Variants in C16orf78 observed in about 807,000 individuals in gnomAD.
C16orf78 encodes the protein chromosome 16 open reading frame 78, also known as uncharacterized protein C16orf78.
C16orf78 carries 19 observed loss-of-function variants against 27.3 expected under a neutral mutation model. The ratio of observed to expected loss-of-function variants is 0.70; its 90% confidence interval spans 0.49 to 1.02. The LOEUF (loss-of-function observed/expected upper bound fraction) is 1.02. Ranked by LOEUF, C16orf78 falls within the 50% of genes least tolerant of loss-of-function variation. C16orf78 has a pLI of 0.00. For missense variants in C16orf78, 339 were observed against 337.0 expected (o/e 1.01, Z -0.05); for synonymous variants, 130 against 116.1 (o/e 1.12, Z -0.77).
intron 3 of C16orf78, among the ~76,000 whole-genome samples, chr16:49,380,908 G>T (rs1184703246): frequency 2.0e-5 from 3 of 151,952 alleles, no homozygotes; most frequent in Non-Finnish European, 4.4e-5. Context: ...CCCATTGCTT[G>T]TTTTTCTCAG....
intron 3 of C16orf78, among the ~76,000 whole-genome samples, chr16:49,381,569 A>G (rs1208628956): frequency 1.3e-4 from 20 of 152,094 alleles, no homozygotes; most frequent in Non-Finnish European, 2.5e-4. Flanking sequence ...AATTTACAAG[A>G]AAAAACAAAC....
intron 3 of C16orf78, among the ~76,000 whole-genome samples, chr16:49,396,159 T>C (rs756830947): frequency 6.6e-6 from 1 of 152,116 alleles, no homozygotes; most frequent in African/African-American, 2.4e-5. Context: ...GGAGGATCAC[T>C]TGAACCTGTG....
intron 3 of C16orf78, among the ~76,000 whole-genome samples, chr16:49,382,285 G>A (rs1965295509): frequency 6.6e-6 from 1 of 152,174 alleles, no homozygotes; most frequent in Non-Finnish European, 1.5e-5. Flanking sequence ...GAGTGGAGAG[G>A]GATAGCATTA....
At chr16:49,376,345 T>C (rs1376105414) in intron 1 of C16orf78, among the ~76,000 whole-genome samples, 1 of 152,214 alleles carries the variant, frequency 6.6e-6, no homozygotes, top group African/African-American at 2.4e-5. Flanking sequence ...GCAGTTTCCT[T>C]GAGTCTAAAG....
At chr16:49,384,730 TAC>T (rs1384795879) in intron 3 of C16orf78, among the ~76,000 whole-genome samples, 8 of 152,154 alleles carry the variant, frequency 5.3e-5, no homozygotes, top group Admixed American at 2.0e-4. Context: ...AAAAGGTCTG[TAC>T]CAAGACATAT....
intron 4 of C16orf78, 106 bp downstream of exon 4, chr16:49,396,784 T>G: frequency 7.1e-7 from 1 of 1,416,392 alleles, no homozygotes; most frequent in Non-Finnish European, 9.4e-7. Flanking sequence ...GATCTAGGAG[T>G]AGGGGCTTGG....
chr16:49,383,593 G>C (rs938506877), intron 3 of C16orf78, among the ~76,000 whole-genome samples: 2 of 152,148 alleles, frequency 1.3e-5, no homozygotes, highest in African/African-American at 4.8e-5. Context: ...CACAACCAGT[G>C]TCTTAGCTTA....
chr16:49,386,136 T>C (rs529450882), intron 3 of C16orf78, among the ~76,000 whole-genome samples: 1 of 152,328 alleles, frequency 6.6e-6, no homozygotes, highest in Non-Finnish European at 1.5e-5. Context: ...TAACAAGGGA[T>C]TGATTCATCA....
At chr16:49,397,225 G>A (rs1221208665) in intron 4 of C16orf78, among the ~76,000 whole-genome samples, 1 of 152,126 alleles carries the variant, frequency 6.6e-6, no homozygotes, top group Non-Finnish European at 1.5e-5. Context: ...TTTCAGCAAT[G>A]GACCCCAGAT....
chr16:49,377,418 G>C (rs903464462), intron 1 of C16orf78, among the ~76,000 whole-genome samples: 1 of 152,148 alleles, frequency 6.6e-6, no homozygotes, highest in Non-Finnish European at 1.5e-5. Context: ...CCACAAGGGG[G>C]CTGGAGGGGC....
rs1484133439 is a variant in C16orf78, at chr16:49,396,522, C to A, written c.494C>A (p.Thr165Asn). The A allele has an allele frequency of 1.2e-6, 2 of 1,614,050 alleles. No homozygotes were observed. Among genetic ancestry groups the A allele is most frequent in the Non-Finnish European group, 1.7e-6 (2 of 1,180,044 alleles). Reference protein sequence around the residue: ...IVLDPMLQEGTFNSQRATFIR... With the variant: ...IVLDPMLQEGNFNSQRATFIR... ...TTAGATCCCATGTTACAGGAGGGTACCTTTAACAGCCAGAGGGCAACCTTC... is the reference window on the plus strand; with the variant it reads ...TTAGATCCCATGTTACAGGAGGGTAACTTTAACAGCCAGAGGGCAACCTTC... The change falls in exon 4 of 5, where the codon ACC (threonine) becomes AAC (asparagine). Residue 165 changes from threonine to asparagine, a missense_variant. Physicochemically the swap from Thr to Asn is moderately conservative, Grantham distance 65. Coordinates refer to ENST00000299191, the MANE Select transcript of C16orf78 (RefSeq NM_144602.4).
intron 4 of C16orf78, among the ~76,000 whole-genome samples, chr16:49,397,206 C>T (rs1000303338): frequency 1.3e-5 from 2 of 152,168 alleles, no homozygotes; most frequent in East Asian, 3.9e-4. Context: ...TTTATCAGGG[C>T]TCTCTGGTTT....
chr16:49,390,276 C>A (rs933389495), intron 3 of C16orf78, among the ~76,000 whole-genome samples: 5 of 152,184 alleles, frequency 3.3e-5, no homozygotes, highest in African/African-American at 1.2e-4. Flanking sequence ...CAGTTTTCAT[C>A]AAATTTGACA....
At chr16:49,395,506 G>A (rs72776785) in intron 3 of C16orf78, among the ~76,000 whole-genome samples, 13,071 of 151,818 alleles carry the variant, frequency 0.086, 794 homozygotes, top group South Asian at 0.16. Context: ...GCAGATTTTA[G>A]GTGTGGCCCA....
chr16:49,393,848 C>T (rs533573730), intron 3 of C16orf78, among the ~76,000 whole-genome samples: 23 of 152,028 alleles, frequency 1.5e-4, no homozygotes, highest in Admixed American at 5.9e-4. Flanking sequence ...ATGAAGTAAT[C>T]ATAAGCCTTG....
chr16:49,373,879 G>C lies in C16orf78; in HGVS notation c.-61G>C, dbSNP rs1027968871. On this transcript the variant is annotated 5_prime_UTR_variant, in exon 1 of 5. Coordinates refer to ENST00000299191, the MANE Select transcript of C16orf78 (RefSeq NM_144602.4). ...ACCAGGCCATCAAGTCCAGACAAAG[G>C]GATCGAAAGAGTGAGACAGTGCCAG... 19 of 1,592,928 alleles carry C rather than the reference G, an allele frequency of 1.2e-5. No individual in the cohort carries two copies. In the Admixed American group the frequency reaches 3.2e-4, roughly 27 times the overall value.
Position 49,396,523 on chromosome 16 carries a change from C to T in C16orf78, c.495C>T (p.Thr165=), listed in dbSNP as rs1258865268. Residue 165 remains threonine (T), a synonymous_variant, in exon 4 of 5, where the codon ACC becomes ACT. Transcript: ENST00000299191. ...TAGATCCCATGTTACAGGAGGGTAC[C>T]TTTAACAGCCAGAGGGCAACCTTCA... ...IVLDPMLQEG[T]FNSQRATFIR... 1 of 1,614,204 alleles carries T rather than the reference C, an allele frequency of 6.2e-7. No individual in the cohort carries two copies. The highest frequency in any genetic ancestry group is 8.5e-7 in the Non-Finnish European group (1 of 1,180,036).
chr16:49,382,814 C>G (rs1965303600), intron 3 of C16orf78, among the ~76,000 whole-genome samples: 1 of 152,184 alleles, frequency 6.6e-6, no homozygotes, highest in Non-Finnish European at 1.5e-5. Context: ...CTCTTTCCTC[C>G]CTCGTCTTCC....
At chr16:49,392,877 GTGAGAGAAACTGGTGGGAAGTAAT>G (rs1367296177) in intron 3 of C16orf78, among the ~76,000 whole-genome samples, 2 of 152,182 alleles carry the variant, frequency 1.3e-5, no homozygotes, top group African/African-American at 4.8e-5. Flanking sequence ...CCCAGGTATT[GTGAGAGAAACTGGTGGGAAGTAAT>G]TGAATCATGG....
Sources: allele counts gnomAD v4.1 joint callset (sites outside exome capture counted in the v4.1 genomes callset), GRCh38; gene constraint gnomAD v4.1.1; transcripts MANE v1.5; gene names NCBI Gene and HGNC (gene_info 2026-07-23, HGNC 2026-07-21).